ITGB1: variants seen among roughly 807,000 people sequenced by gnomAD.
The protein encoded by ITGB1 is integrin subunit beta 1.
A neutral mutation model predicts 86.5 loss-of-function variants in ITGB1; 24 were observed. The ratio of observed to expected loss-of-function variants is 0.28; its 90% CI spans 0.20 to 0.39. The LOEUF (loss-of-function observed/expected upper bound fraction) is 0.39, where lower values mean the gene tolerates loss of function less well. Ranked by LOEUF, ITGB1 falls within the 10% of genes least tolerant of loss-of-function variation. ITGB1 has a pLI of 1.00. For synonymous variants in ITGB1, 323 were observed against 316.8 expected (o/e 1.02, Z -0.21); for missense variants, 556 against 946.9 (o/e 0.59, Z 5.42).
intron 1 of ITGB1, among the ~76,000 whole-genome samples, chr10:32,950,707 G>A (rs2095040937): frequency 6.6e-6 from 1 of 152,056 alleles, no homozygotes; most frequent in Admixed American, 6.5e-5. Context: ...CCACCCAGAA[G>A]AAAAATGGCT....
At chr10:32,935,875 C>T (rs1175653429) in intron 1 of ITGB1, 1 of 211,894 alleles carries the variant, frequency 4.7e-6, no homozygotes, top group Non-Finnish European at 9.6e-6. Flanking sequence ...TTAAGTATTC[C>T]TCAACACCAT....
chr10:32,917,158 G>T (rs575560266), intron 11 of ITGB1, among the ~76,000 whole-genome samples: 1 of 152,144 alleles, frequency 6.6e-6, no homozygotes. Flanking sequence ...GCTGAAACTG[G>T]ATCCCTTCCT....
intron 1 of ITGB1, among the ~76,000 whole-genome samples, chr10:32,954,695 A>G (rs577654783): frequency 6.6e-6 from 1 of 152,208 alleles, no homozygotes; most frequent in South Asian, 2.1e-4. Flanking sequence ...AATTATGTAC[A>G]ATGAGATTGG....
intron 6 of ITGB1, 59 bp from the exon 7 acceptor site, chr10:32,923,799 C>CTTTAAT: frequency 7.0e-7 from 1 of 1,436,794 alleles, no homozygotes; most frequent in Non-Finnish European, 9.5e-7. Flanking sequence ...AACAAAAATC[C>CTTTAAT]TTTAATTTTC....
chr10:32,908,270 A>C, intron 15 of ITGB1, 98 bp downstream of exon 15: 2 of 1,163,372 alleles, frequency 1.7e-6, no homozygotes, highest in Admixed American at 3.6e-5. Context: ...ATACTTAGAA[A>C]GGACTTTAAT....
At chr10:32,919,783 T>C in intron 11 of ITGB1, 102 bp downstream of exon 11, 1 of 970,574 alleles carries the variant, frequency 1.0e-6, no homozygotes, top group Admixed American at 2.1e-5. Context: ...AAAAATAATT[T>C]GCTCCAAATA....
At chr10:32,938,441 A>G (rs1165017702) in intron 1 of ITGB1, among the ~76,000 whole-genome samples, 1 of 151,594 alleles carries the variant, frequency 6.6e-6, no homozygotes, top group East Asian at 1.9e-4. Context: ...CTGTCAACAT[A>G]TCATACAATT....
chr10:32,932,708 C>CCTG, intron 2 of ITGB1, 108 bp from the exon 3 acceptor site: 1 of 659,396 alleles, frequency 1.5e-6, no homozygotes, highest in Admixed American at 2.3e-5. Flanking sequence ...AATATTAATA[C>CCTG]TATGACCTAG....
At chr10:32,954,892 T>C (rs1387666968) in intron 1 of ITGB1, among the ~76,000 whole-genome samples, 2 of 152,198 alleles carry the variant, frequency 1.3e-5, no homozygotes, top group Non-Finnish European at 2.9e-5. Context: ...AAGTTTAAAG[T>C]TAGCTGACCT....
At chr10:32,935,583 TTAGTTA>T in intron 1 of ITGB1, 25 bp from the exon 2 acceptor site, 1 of 1,514,052 alleles carries the variant, frequency 6.6e-7, no homozygotes, top group Non-Finnish European at 9.2e-7. Flanking sequence ...GTGCCTTATA[TTAGTTA>T]TAAAGAAATA....
chr10:32,926,564 C>CT (rs2094965456), intron 5 of ITGB1, among the ~76,000 whole-genome samples: 1 of 152,166 alleles, frequency 6.6e-6, no homozygotes, highest in Non-Finnish European at 1.5e-5. Flanking sequence ...CCTGCTCCCA[C>CT]CATGTGAGAA....
intron 1 of ITGB1, among the ~76,000 whole-genome samples, chr10:32,957,013 T>C (rs2095053683): frequency 6.6e-6 from 1 of 152,174 alleles, no homozygotes; most frequent in African/African-American, 2.4e-5. Context: ...CAACTTACTT[T>C]TGCTCCCTGT....
chr10:32,925,826 A>AC, intron 6 of ITGB1, 45 bp downstream of exon 6: 1 of 1,145,776 alleles, frequency 8.7e-7, no homozygotes, highest in Non-Finnish European at 1.3e-6. Context: ...AAATTCACAC[A>AC]CATAATAGAA....
At chr10:32,902,074 C>A (rs913386515) in intron 15 of ITGB1, among the ~76,000 whole-genome samples, 1 of 152,162 alleles carries the variant, frequency 6.6e-6, no homozygotes, top group African/African-American at 2.4e-5. Flanking sequence ...TCGGCTTTCA[C>A]TGCTGGGAGG....
chr10:32,946,760 G>T (rs931628854), intron 1 of ITGB1, among the ~76,000 whole-genome samples: 3 of 94,786 alleles, frequency 3.2e-5, no homozygotes, highest in African/African-American at 7.7e-5. Context: ...GGGGGGGGGG[G>T]GGGGATTATT....
intron 2 of ITGB1, among the ~76,000 whole-genome samples, chr10:32,934,531 C>T (rs2094994554): frequency 6.6e-6 from 1 of 152,134 alleles, no homozygotes. Flanking sequence ...TCCCACAAAA[C>T]GGCAGTGTAC....
chr10:32,949,499 T>C (rs929910602), intron 1 of ITGB1, among the ~76,000 whole-genome samples: 3 of 152,234 alleles, frequency 2.0e-5, no homozygotes, highest in Admixed American at 6.5e-5. Context: ...AGAAAAGTTA[T>C]TTTAATTGCC....
chr10:32,946,752 G>C (rs1222806835), intron 1 of ITGB1, among the ~76,000 whole-genome samples: 9 of 86,124 alleles, frequency 1.0e-4, no homozygotes, highest in East Asian at 8.2e-4. Flanking sequence ...GTATTTCTGG[G>C]GGGGGGGGGG....
intron 15 of ITGB1, among the ~76,000 whole-genome samples, chr10:32,904,829 C>T (rs781074565): frequency 7.9e-5 from 12 of 152,062 alleles, no homozygotes; most frequent in Non-Finnish European, 1.5e-4. Flanking sequence ...ACATAAAATG[C>T]TTATTTTAGC....
Sources: allele counts gnomAD v4.1 joint callset (sites outside exome capture counted in the v4.1 genomes callset), GRCh38; gene constraint gnomAD v4.1.1; transcripts MANE v1.5; gene names NCBI Gene and HGNC (gene_info 2026-07-23, HGNC 2026-07-21).